The following SLC24A3 variants were observed in gnomAD, a reference collection of about 807,000 sequenced individuals.
The protein encoded by SLC24A3 is solute carrier family 24 member 3, also known as sodium/potassium/calcium exchanger 3.
SLC24A3 carries 28 observed loss-of-function variants against 75.8 expected under a neutral mutation model. That is an observed-to-expected ratio of 0.37 (90% confidence interval 0.27 to 0.51). The LOEUF (loss-of-function observed/expected upper bound fraction) is 0.51, where lower values mean the gene tolerates loss of function less well. Among genes scored for constraint, SLC24A3 ranks in the 20% least tolerant of loss-of-function variants. The probability of loss-of-function intolerance (pLI) is 0.94; values close to 1 mark genes in which losing one functional copy is unlikely to be tolerated. For synonymous variants in SLC24A3, 372 were observed against 334.1 expected (o/e 1.11, Z -1.24); for missense variants, 663 against 847.8 (o/e 0.78, Z 2.71).
chr20:19,432,272 TTATA>T (rs3057540), intron 2 of SLC24A3, among the ~76,000 whole-genome samples: 10,135 of 145,256 alleles, frequency 0.07, 1,085 homozygotes, highest in African/African-American at 0.23. Context: ...TATATCTGTT[TTATA>T]TATATATATA....
chr20:19,636,823 G>T (rs752873150), intron 6 of SLC24A3, among the ~76,000 whole-genome samples: 1 of 152,110 alleles, frequency 6.6e-6, no homozygotes, highest in Non-Finnish European at 1.5e-5. Context: ...GACCAAAATG[G>T]GTAAACAGAG....
At chr20:19,239,761 C>G (rs547004381) in intron 1 of SLC24A3, among the ~76,000 whole-genome samples, 1 of 152,194 alleles carries the variant, frequency 6.6e-6, no homozygotes, top group Admixed American at 6.5e-5. Context: ...TCAAAGGTCC[C>G]CCTCGATGGC....
At chr20:19,353,817 A>G (rs1274082569) in intron 2 of SLC24A3, among the ~76,000 whole-genome samples, 1 of 152,228 alleles carries the variant, frequency 6.6e-6, no homozygotes. Context: ...AAAGCTGACA[A>G]TACCAAGTCT....
intron 2 of SLC24A3, among the ~76,000 whole-genome samples, chr20:19,401,916 C>T (rs545438353): frequency 4.6e-5 from 7 of 152,304 alleles, no homozygotes; most frequent in East Asian, 3.9e-4. Flanking sequence ...TGATAACACA[C>T]GTTTTATTGA....
At chr20:19,621,244 G>A (rs2031800353) in intron 6 of SLC24A3, among the ~76,000 whole-genome samples, 1 of 152,126 alleles carries the variant, frequency 6.6e-6, no homozygotes, top group Non-Finnish European at 1.5e-5. Flanking sequence ...ATGCTTGAGT[G>A]GATCTCCAGA....
At chr20:19,266,278 G>A (rs1449681383) in intron 1 of SLC24A3, among the ~76,000 whole-genome samples, 3 of 152,192 alleles carry the variant, frequency 2.0e-5, no homozygotes, top group African/African-American at 4.8e-5. Flanking sequence ...CAGATGAAAC[G>A]TGCTTTCTCA....
intron 2 of SLC24A3, among the ~76,000 whole-genome samples, chr20:19,380,027 AC>A (rs1394909159): frequency 2.0e-5 from 3 of 152,064 alleles, no homozygotes; most frequent in African/African-American, 7.2e-5. Context: ...ACAAAAGTGA[AC>A]CCAGTTCCTG....
chr20:19,228,815 A>G (rs1308632131), intron 1 of SLC24A3, among the ~76,000 whole-genome samples: 1 of 152,148 alleles, frequency 6.6e-6, no homozygotes, highest in African/African-American at 2.4e-5. Flanking sequence ...GCTGGATTTT[A>G]TTTATTTGCA....
chr20:19,487,206 GC>G (rs1988142511), intron 2 of SLC24A3, among the ~76,000 whole-genome samples: 1 of 152,158 alleles, frequency 6.6e-6, no homozygotes, highest in Non-Finnish European at 1.5e-5. Context: ...CCAAATTGAT[GC>G]CTCTTGAATT....
intron 2 of SLC24A3, among the ~76,000 whole-genome samples, chr20:19,429,857 C>A (rs1004999900): frequency 6.6e-6 from 1 of 152,026 alleles, no homozygotes; most frequent in African/African-American, 2.4e-5. Flanking sequence ...GTTATGTCAC[C>A]CTAAAGCAGG....
chr20:19,584,870 C>T (rs1288058308), intron 4 of SLC24A3, 101 bp from the exon 5 acceptor site: 2 of 1,022,882 alleles, frequency 2.0e-6, no homozygotes, highest in East Asian at 2.5e-5. Context: ...GCTGAAGCCC[C>T]AGTCTTTGCT....
chr20:19,232,875 C>T lies in SLC24A3; in HGVS notation c.142+19891C>T, dbSNP rs987399471. Among the ~76,000 whole-genome samples the T allele has an allele frequency of 1.2e-4, 18 of 152,288 alleles. No individual in the cohort carries two copies. The South Asian group carries it at 1.2e-3, about 11-fold the overall frequency. On this transcript the variant is annotated intron_variant, in intron 1 of 16. Coordinates refer to ENST00000328041, the MANE Select transcript of SLC24A3 (RefSeq NM_020689.4). ...ATTCCTCATCAGAAATGCCCAGAACCTCTATGACAAGTGTAGGCAAAAGCG... is the reference window on the plus strand; with the variant it reads ...ATTCCTCATCAGAAATGCCCAGAACTTCTATGACAAGTGTAGGCAAAAGCG...
At chr20:19,453,176 C>T (rs1015753535) in intron 2 of SLC24A3, among the ~76,000 whole-genome samples, 1 of 152,066 alleles carries the variant, frequency 6.6e-6, no homozygotes, top group Non-Finnish European at 1.5e-5. Flanking sequence ...CGAGACTCTG[C>T]CTCGAACAAC....
chr20:19,477,356 G>A (rs910017884), intron 2 of SLC24A3, among the ~76,000 whole-genome samples: 1 of 152,212 alleles, frequency 6.6e-6, no homozygotes, highest in Admixed American at 6.5e-5. Flanking sequence ...AACGTTTACA[G>A]GAATAACAAA....
chr20:19,496,483 T>C (rs1269261524), intron 2 of SLC24A3, among the ~76,000 whole-genome samples: 1 of 152,168 alleles, frequency 6.6e-6, no homozygotes, highest in African/African-American at 2.4e-5. Flanking sequence ...CTCCTGTGGT[T>C]GGATTCCCAA....
At chr20:19,605,349 A>G (rs1199090162) in intron 6 of SLC24A3, among the ~76,000 whole-genome samples, 1 of 151,924 alleles carries the variant, frequency 6.6e-6, no homozygotes, top group Non-Finnish European at 1.5e-5. Context: ...AATCACTTAC[A>G]TCTACTGGCT....
At chr20:19,437,099 G>A (rs1209000896) in intron 2 of SLC24A3, among the ~76,000 whole-genome samples, 2 of 152,210 alleles carry the variant, frequency 1.3e-5, no homozygotes, top group Non-Finnish European at 2.9e-5. Context: ...GACATCAAAA[G>A]CAAATGGACT....
At chr20:19,674,753 T>G (rs1435300658) in intron 9 of SLC24A3, among the ~76,000 whole-genome samples, 2 of 152,226 alleles carry the variant, frequency 1.3e-5, no homozygotes, top group Non-Finnish European at 2.9e-5. Flanking sequence ...TTGGGGTAGC[T>G]TATTTATATC....
chr20:19,315,623 C>G (rs138278960), intron 2 of SLC24A3, among the ~76,000 whole-genome samples: 1 of 152,240 alleles, frequency 6.6e-6, no homozygotes, highest in African/African-American at 2.4e-5. Context: ...TACATGGAAG[C>G]GTGCACTGCT....
Sources: allele counts gnomAD v4.1 joint callset (sites outside exome capture counted in the v4.1 genomes callset), GRCh38; gene constraint gnomAD v4.1.1; transcripts MANE v1.5; gene names NCBI Gene and HGNC (gene_info 2026-07-23, HGNC 2026-07-21).